NELL1: variants seen among roughly 807,000 people sequenced by gnomAD.
NELL1 encodes protein kinase C-binding protein NELL1.
A neutral mutation model predicts 107.4 loss-of-function variants in NELL1; 76 were observed. The ratio of observed to expected loss-of-function variants is 0.71; its 90% CI spans 0.59 to 0.86. The LOEUF is 0.86. Among genes scored for constraint, NELL1 ranks in the 40% least tolerant of loss-of-function variants. The pLI is 0.00. For missense variants in NELL1, 1,024 were observed against 1,005.5 expected (o/e 1.02, Z -0.25); for synonymous variants, 353 against 341.2 (o/e 1.03, Z -0.38).
At chr11:21,179,862 C>CTTTTTTTTTTTTTTTTTTTT (rs1164420669) in intron 13 of NELL1, among the ~76,000 whole-genome samples, 1 of 75,710 alleles carries the variant, frequency 1.3e-5, no homozygotes, top group Admixed American at 2.0e-4. Flanking sequence ...AATCAACACA[C>CTTTTTTTTTTTTTTTTTTTT]TTTTTTTTTT....
At chr11:20,882,124 CT>C (rs1849420263) in intron 4 of NELL1, among the ~76,000 whole-genome samples, 1 of 152,228 alleles carries the variant, frequency 6.6e-6, no homozygotes, top group Admixed American at 6.5e-5. Context: ...GACCAGCAGC[CT>C]TTGTGCTAAG....
At chr11:21,183,843 C>A (rs1045723692) in intron 13 of NELL1, among the ~76,000 whole-genome samples, 1 of 151,770 alleles carries the variant, frequency 6.6e-6, no homozygotes, top group Non-Finnish European at 1.5e-5. Context: ...TGAGTCACAT[C>A]TCTGAACAAG....
rs1414765750 is a variant in NELL1, at chr11:20,680,927, C to CA, written c.184+2869dup. ...TCTTGAAGGTCTCCTGTCCACTAGA[C>CA]AAGCAGCTTATCCACAGATCTGTCC... On this transcript the variant is annotated intron_variant, in intron 2 of 19. Transcript: ENST00000357134. Among the ~76,000 whole-genome samples, 18 of 152,266 alleles carry CA rather than the reference C, an allele frequency of 1.2e-4. 1 individual carries two copies. Among genetic ancestry groups the CA allele is most frequent in the African/African-American group, 4.3e-4 (18 of 41,566 alleles).
chr11:20,836,621 CT>C (rs34402812), intron 3 of NELL1, among the ~76,000 whole-genome samples: 91,906 of 150,816 alleles, frequency 0.61, 31,182 homozygotes, highest in Non-Finnish European at 0.77. Flanking sequence ...ACAGGTGAAA[CT>C]TTTTTTTTTA....
At chr11:20,808,199 G>C (rs1002613055) in intron 3 of NELL1, among the ~76,000 whole-genome samples, 1 of 152,110 alleles carries the variant, frequency 6.6e-6, no homozygotes, top group Non-Finnish European at 1.5e-5. Context: ...GCTCATCCAG[G>C]GTCCGTGGGC....
intron 4 of NELL1, among the ~76,000 whole-genome samples, chr11:20,878,854 C>A (rs1318392516): frequency 6.6e-6 from 1 of 152,150 alleles, no homozygotes; most frequent in East Asian, 1.9e-4. Context: ...AGGTTCTCTT[C>A]CAGATAGTAG....
intron 12 of NELL1, among the ~76,000 whole-genome samples, chr11:20,973,324 T>G (rs1851538801): frequency 6.6e-6 from 1 of 152,060 alleles, no homozygotes; most frequent in African/African-American, 2.4e-5. Context: ...GCCAGGCTGG[T>G]CTCAAACTCC....
chr11:21,159,669 G>A (rs1323974205), intron 13 of NELL1, among the ~76,000 whole-genome samples: 1 of 152,244 alleles, frequency 6.6e-6, no homozygotes, highest in East Asian at 1.9e-4. Flanking sequence ...CTATCTGGGT[G>A]TAGGGAGAGG....
intron 2 of NELL1, among the ~76,000 whole-genome samples, chr11:20,688,542 C>G (rs1355862239): frequency 3.3e-5 from 5 of 152,110 alleles, no homozygotes; most frequent in Non-Finnish European, 5.9e-5. Context: ...ATCCATGTTG[C>G]TGCAAAGAAC....
intron 15 of NELL1, among the ~76,000 whole-genome samples, chr11:21,441,154 TC>T (rs1251107942): frequency 2.6e-5 from 4 of 152,130 alleles, no homozygotes; most frequent in Non-Finnish European, 5.9e-5. Flanking sequence ...GGGGCTATTC[TC>T]CAGAACACAA....
chr11:21,018,426 C>T (rs910655340), intron 12 of NELL1, among the ~76,000 whole-genome samples: 4 of 151,980 alleles, frequency 2.6e-5, no homozygotes, highest in African/African-American at 9.7e-5. Context: ...GGCCAGTGGG[C>T]ACGAAGAGTG....
Position 20,680,520 on chromosome 11 carries a change from A to G in NELL1, c.184+2460A>G, listed in dbSNP as rs577344541. Among the ~76,000 whole-genome samples, 7 of 152,294 alleles carry G rather than the reference A, an allele frequency of 4.6e-5. No individual in the cohort carries two copies. The South Asian group carries it at 1.2e-3, about 27-fold the overall frequency. On this transcript the variant is annotated intron_variant, in intron 2 of 19. Transcript: ENST00000357134. ...GGTCTTATGAAACTGGAAAACAGGT[A>G]ATCTGCTTCCAAAATACAATGGCGG...
chr11:21,036,980 CT>C (rs1853108037), intron 12 of NELL1, among the ~76,000 whole-genome samples: 1 of 151,670 alleles, frequency 6.6e-6, no homozygotes, highest in African/African-American at 2.4e-5. Context: ...CTCATAGTGT[CT>C]TTTTTTCTTA....
chr11:20,820,351 AT>A (rs551910727), intron 3 of NELL1, among the ~76,000 whole-genome samples: 1 of 152,330 alleles, frequency 6.6e-6, no homozygotes, highest in South Asian at 2.1e-4. Context: ...CTAAAATGTT[AT>A]TAAATACCTA....
intron 15 of NELL1, among the ~76,000 whole-genome samples, chr11:21,399,204 T>C (rs2133794018): frequency 6.6e-6 from 1 of 151,914 alleles, no homozygotes; most frequent in Non-Finnish European, 1.5e-5. Context: ...AGGTCAGTTG[T>C]ATATCTACAA....
At chr11:21,098,651 T>C (rs1243004992) in intron 12 of NELL1, among the ~76,000 whole-genome samples, 1 of 152,184 alleles carries the variant, frequency 6.6e-6, no homozygotes, top group Non-Finnish European at 1.5e-5. Flanking sequence ...GTCTTTATGT[T>C]GAAGCAGGTG....
chr11:21,267,449 A>T (rs1278647724), intron 14 of NELL1, among the ~76,000 whole-genome samples: 3 of 152,142 alleles, frequency 2.0e-5, no homozygotes, highest in African/African-American at 7.2e-5. Context: ...CCAAGAAATG[A>T]TGTTTTAAGA....
At chr11:20,692,838 A>C (rs12099428) in intron 2 of NELL1, among the ~76,000 whole-genome samples, 31,579 of 151,750 alleles carry the variant, frequency 0.21, 3,595 homozygotes, top group African/African-American at 0.27. Flanking sequence ...TCCCGGGTAT[A>C]CTTGTTAACT....
At chr11:20,901,617 G>C (rs534152800) in intron 5 of NELL1, among the ~76,000 whole-genome samples, 13 of 150,534 alleles carry the variant, frequency 8.6e-5, no homozygotes, top group Admixed American at 8.0e-4. Flanking sequence ...TTTTAGGGAA[G>C]ACCAGAGGCC....
Sources: allele counts gnomAD v4.1 joint callset (sites outside exome capture counted in the v4.1 genomes callset), GRCh38; gene constraint gnomAD v4.1.1; transcripts MANE v1.5; gene names NCBI Gene and HGNC (gene_info 2026-07-23, HGNC 2026-07-21).